Variants in CCDC152 observed in about 807,000 individuals in gnomAD.
The protein encoded by CCDC152 is coiled-coil domain containing 152.
In CCDC152, 37 loss-of-function variants were observed where a neutral mutation model predicts 38.1. The ratio of observed to expected loss-of-function variants is 0.97; its 90% CI spans 0.75 to 1.28. The LOEUF (loss-of-function observed/expected upper bound fraction) is 1.28. CCDC152 is among the 50% of genes most tolerant of loss of function. The pLI, the probability that CCDC152 is intolerant of heterozygous loss-of-function variation, is 0.00. For synonymous variants in CCDC152, 83 were observed against 87.1 expected (o/e 0.95, Z 0.26); for missense variants, 259 against 292.1 (o/e 0.89, Z 0.83).
chr5:42,769,532 A>G lies in CCDC152; in HGVS notation c.194-65A>G, dbSNP rs1579708690. On this transcript the variant is annotated intron_variant, in intron 3 of 8. Coordinates refer to ENST00000361970, the MANE Select transcript of CCDC152 (RefSeq NM_001134848.2). ...ATATTATTTTATTTTAATAATTTCA[A>G]CTGAGAGAATAATTCCAAAATGAAA... The G allele has an allele frequency of 2.9e-6, 4 of 1,383,854 alleles. No homozygotes were observed. The East Asian group carries it at 8.5e-5, about 30-fold the overall frequency. 85.7% of individuals were successfully genotyped at this position (1,383,854 alleles called of 1,614,324 possible).
At chr5:42,796,214 A>G (rs1424375615) in intron 6 of CCDC152, among the ~76,000 whole-genome samples, 1 of 151,754 alleles carries the variant, frequency 6.6e-6, no homozygotes, top group East Asian at 1.9e-4. Context: ...CACATGGTGC[A>G]CATGTACCCT....
intron 6 of CCDC152, among the ~76,000 whole-genome samples, chr5:42,785,961 C>T (rs1291917517): frequency 2.6e-5 from 4 of 152,048 alleles, no homozygotes; most frequent in Non-Finnish European, 5.9e-5. Context: ...TCCTTGCATC[C>T]CTGAAATAAG....
intron 4 of CCDC152, among the ~76,000 whole-genome samples, chr5:42,772,994 A>G (rs1759721205): frequency 6.6e-6 from 1 of 152,150 alleles, no homozygotes; most frequent in Admixed American, 6.5e-5. Context: ...GTTCTTTTGG[A>G]ATAATTTTCC....
chr5:42,791,386 G>A (rs1759998015), intron 6 of CCDC152, among the ~76,000 whole-genome samples: 1 of 152,060 alleles, frequency 6.6e-6, no homozygotes, highest in Non-Finnish European at 1.5e-5. Context: ...CATCCCCATG[G>A]GTATTAATAA....
intron 3 of CCDC152, among the ~76,000 whole-genome samples, chr5:42,762,890 A>G (rs1416117536): frequency 2.0e-5 from 3 of 152,248 alleles, no homozygotes; most frequent in African/African-American, 7.2e-5. Context: ...CCTTATAATT[A>G]CATCAAAATA....
At chr5:42,778,084 T>C (rs1759791696) in intron 4 of CCDC152, among the ~76,000 whole-genome samples, 1 of 152,212 alleles carries the variant, frequency 6.6e-6, no homozygotes, top group Non-Finnish European at 1.5e-5. Context: ...GTTAAGGTTG[T>C]AGAGGGGAAA....
At position 42,800,835 on chromosome 5, in the gene CCDC152, T is replaced by C; in HGVS notation, c.*1054T>C. 1 of 1,614,212 alleles carries C rather than the reference T, an allele frequency of 6.2e-7. No homozygotes were observed. On this transcript the variant is annotated 3_prime_UTR_variant, in exon 9 of 9. Coordinates refer to ENST00000361970, the MANE Select transcript of CCDC152 (RefSeq NM_001134848.2). Reference sequence around the variant, plus strand: ...TCAGGCAGCTGGAGGCAAACGTCACTGACAAGATTCAGTTATGTTCTCCTC... The same window carrying C: ...TCAGGCAGCTGGAGGCAAACGTCACCGACAAGATTCAGTTATGTTCTCCTC...
At chr5:42,772,016 A>C (rs1327040309) in intron 4 of CCDC152, among the ~76,000 whole-genome samples, 1 of 152,204 alleles carries the variant, frequency 6.6e-6, no homozygotes, top group African/African-American at 2.4e-5. Flanking sequence ...CTTCAATAAA[A>C]TACTATCAAA....
intron 2 of CCDC152, among the ~76,000 whole-genome samples, chr5:42,761,079 A>G (rs1237634470): frequency 1.3e-5 from 2 of 152,206 alleles, no homozygotes; most frequent in African/African-American, 4.8e-5. Context: ...AAAAGTGGTG[A>G]GACTAGGGCA....
intron 6 of CCDC152, among the ~76,000 whole-genome samples, chr5:42,793,811 GT>G (rs1308437294): frequency 2.0e-5 from 3 of 152,138 alleles, no homozygotes; most frequent in African/African-American, 7.2e-5. Context: ...GTTTCACCAT[GT>G]TGGTCAGACT....
At position 42,762,626 on chromosome 5, in the gene CCDC152, T is replaced by A. The variant is rs933876264; in HGVS notation, c.193+78T>A. On this transcript the variant is annotated intron_variant, in intron 3 of 8. Transcript: ENST00000361970. ...TTCAACAGTGATTAATATTACACCA[T>A]ATATTTGTAAAGTGTTTTAAGTCCA... The A allele has an allele frequency of 3.0e-5, 23 of 772,026 alleles. No homozygotes were observed. The South Asian group carries it at 3.2e-4, about 11-fold the overall frequency. 47.8% of individuals were successfully genotyped at this position (772,026 alleles called of 1,614,324 possible).
chr5:42,782,810 T>C (rs1264834559), intron 5 of CCDC152, among the ~76,000 whole-genome samples: 1 of 140,676 alleles, frequency 7.1e-6, no homozygotes, highest in Non-Finnish European at 1.6e-5. Context: ...TGTATACATA[T>C]ATTAAAACAT....
At chr5:42,794,644 A>C (rs2111597189) in intron 6 of CCDC152, among the ~76,000 whole-genome samples, 1 of 152,350 alleles carries the variant, frequency 6.6e-6, no homozygotes, top group South Asian at 2.1e-4. Flanking sequence ...TCCATCTTCC[A>C]AACCTTGTGG....
At chr5:42,797,019 T>A in intron 7 of CCDC152, 63 bp downstream of exon 7, 2 of 1,239,064 alleles carry the variant, frequency 1.6e-6, no homozygotes. Flanking sequence ...GTACTTTGAT[T>A]GTTTTTCATC....
chr5:42,763,231 G>T (rs1247997388), intron 3 of CCDC152, among the ~76,000 whole-genome samples: 1 of 152,158 alleles, frequency 6.6e-6, no homozygotes, highest in Admixed American at 6.5e-5. Context: ...TGAGACAAAA[G>T]CCAACTGAAA....
Position 42,802,010 on chromosome 5 carries a change from T to G in CCDC152, c.*2229T>G, listed in dbSNP as rs1299214664. The G allele has an allele frequency of 6.6e-6, 1 of 152,242 alleles. No homozygotes were observed. The highest frequency in any genetic ancestry group is 1.5e-5 in the Non-Finnish European group (1 of 68,046). The allele number at this position is 152,242 out of a possible 1,614,324, so 9.4% of individuals were successfully genotyped here. Reference sequence around the variant, plus strand: ...CATCTTATCTAATACTATATGATACTGTAATCTAATATTATCTCTGATAAT... The same window carrying G: ...CATCTTATCTAATACTATATGATACGGTAATCTAATATTATCTCTGATAAT... On this transcript the variant is annotated 3_prime_UTR_variant, in exon 9 of 9. Transcript: ENST00000361970.
chr5:42,765,802 G>A (rs1053455043), intron 3 of CCDC152, among the ~76,000 whole-genome samples: 2 of 152,074 alleles, frequency 1.3e-5, no homozygotes, highest in African/African-American at 4.8e-5. Context: ...TTCAAACTAT[G>A]AAACTGTTAC....
chr5:42,759,809 T>C (rs540205237), intron 2 of CCDC152, among the ~76,000 whole-genome samples: 2 of 152,284 alleles, frequency 1.3e-5, no homozygotes, highest in South Asian at 4.2e-4. Context: ...TACTACAGTA[T>C]ATTATAATTG....
intron 3 of CCDC152, among the ~76,000 whole-genome samples, chr5:42,765,928 T>C (rs911219416): frequency 6.6e-6 from 1 of 152,020 alleles, no homozygotes; most frequent in Non-Finnish European, 1.5e-5. Context: ...ACATCAAGTT[T>C]AAAAGCTTCT....
Sources: allele counts gnomAD v4.1 joint callset (sites outside exome capture counted in the v4.1 genomes callset), GRCh38; gene constraint gnomAD v4.1.1; transcripts MANE v1.5; gene names NCBI Gene and HGNC (gene_info 2026-07-23, HGNC 2026-07-21).